The following LRCH1 variants were observed in gnomAD, a reference collection of about 807,000 sequenced individuals.
LRCH1 encodes the protein leucine rich repeats and calponin homology domain containing 1.
In LRCH1, 23 loss-of-function variants were observed where a neutral mutation model predicts 94.9. That is an observed-to-expected ratio of 0.24 (90% confidence interval 0.17 to 0.34). The LOEUF is 0.34. Among genes scored for constraint, LRCH1 ranks in the 10% least tolerant of loss-of-function variants. The pLI is 1.00. For synonymous variants in LRCH1, 364 were observed against 354.9 expected (o/e 1.03, Z -0.29); for missense variants, 790 against 945.9 (o/e 0.84, Z 2.16).
intron 1 of LRCH1, among the ~76,000 whole-genome samples, chr13:46,636,136 C>G (rs1338697110): frequency 1.6e-5 from 2 of 123,322 alleles, no homozygotes; most frequent in East Asian, 5.6e-4. Context: ...ATGGCACGAT[C>G]TCGGCTCACT....
chr13:46,680,120 C>T (rs2051731775), intron 3 of LRCH1: 3 of 152,184 alleles, frequency 2.0e-5, no homozygotes, highest in African/African-American at 7.2e-5. Context: ...GCCTTGATCT[C>T]ACTGGAATCA....
At chr13:46,685,079 A>G (rs773129337) in intron 4 of LRCH1, among the ~76,000 whole-genome samples, 2 of 152,176 alleles carry the variant, frequency 1.3e-5, no homozygotes, top group Non-Finnish European at 2.9e-5. Flanking sequence ...AGATCCCATA[A>G]CAAAAGTTCC....
intron 1 of LRCH1, among the ~76,000 whole-genome samples, chr13:46,573,878 T>TTTTC (rs1566150917): frequency 1.6e-5 from 1 of 62,744 alleles, no homozygotes; most frequent in Admixed American, 2.1e-4. Context: ...TTTTTTTTTT[T>TTTTC]TTGAGATGGA....
intron 7 of LRCH1, among the ~76,000 whole-genome samples, chr13:46,690,898 G>A (rs569340362): frequency 6.6e-6 from 1 of 152,308 alleles, no homozygotes; most frequent in South Asian, 2.1e-4. Context: ...GTGGGGTTCA[G>A]GGATCACACC....
chr13:46,689,597 G>A (rs1333760158), intron 7 of LRCH1, among the ~76,000 whole-genome samples: 2 of 152,096 alleles, frequency 1.3e-5, no homozygotes, highest in Admixed American at 6.6e-5. Context: ...ATACATATGC[G>A]TAAATGTTAA....
chr13:46,651,911 G>A (rs1318595808), intron 2 of LRCH1, among the ~76,000 whole-genome samples: 1 of 144,270 alleles, frequency 6.9e-6, no homozygotes, highest in Non-Finnish European at 1.5e-5. Flanking sequence ...GTTTTGAGAC[G>A]GAGTCTTGCT....
At chr13:46,561,540 G>A (rs1047561703) in intron 1 of LRCH1, among the ~76,000 whole-genome samples, 4 of 151,826 alleles carry the variant, frequency 2.6e-5, no homozygotes, top group Non-Finnish European at 2.9e-5. Flanking sequence ...TTTGGCACAC[G>A]ATGTGTTCCT....
chr13:46,617,542 C>T (rs2050825099), intron 1 of LRCH1, among the ~76,000 whole-genome samples: 1 of 152,238 alleles, frequency 6.6e-6, no homozygotes, highest in South Asian at 2.1e-4. Context: ...CCGGCCCCTG[C>T]CTTGTAACCA....
chr13:46,585,516 G>GCATGGGC lies in LRCH1; in HGVS notation c.307+31815_307+31816insTGGGCCA, dbSNP rs2050423618. Among the ~76,000 whole-genome samples the GCATGGGC allele has an allele frequency of 1.2e-4, 17 of 141,102 alleles. No individual in the cohort carries two copies. In the South Asian group the frequency reaches 3.3e-3, roughly 27 times the overall value. 92.6% of individuals were successfully genotyped at this position (141,102 alleles called of 152,430 possible). A position where few individuals can be genotyped will look rare whatever the true frequency, so the allele number is the denominator to read the frequency against. On this transcript the variant is annotated intron_variant, in intron 1 of 19. Transcript: ENST00000389797. ...TTCAGTGAGCAGAGATCATGCCACT[G>GCATGGGC]CACTCCAGCCTGGGCGACAGAGCGA...
intron 1 of LRCH1, among the ~76,000 whole-genome samples, chr13:46,616,835 C>CT (rs1211766938): frequency 2.0e-5 from 3 of 152,112 alleles, no homozygotes; most frequent in Non-Finnish European, 4.4e-5. Context: ...ATCATTAGTT[C>CT]TTATAGGTTT....
At chr13:46,725,312 C>T (rs1042363155) in intron 17 of LRCH1, among the ~76,000 whole-genome samples, 8 of 152,158 alleles carry the variant, frequency 5.3e-5, no homozygotes, top group African/African-American at 1.9e-4. Flanking sequence ...ACAACATACC[C>T]ATGTAACAAA....
intron 17 of LRCH1, among the ~76,000 whole-genome samples, chr13:46,726,209 A>G (rs777674175): frequency 1.3e-5 from 2 of 152,190 alleles, no homozygotes; most frequent in South Asian, 2.1e-4. Flanking sequence ...ACTTTGCCCT[A>G]TTCTTCCCAC....
intron 2 of LRCH1, among the ~76,000 whole-genome samples, chr13:46,662,148 G>A (rs758128965): frequency 7.2e-5 from 11 of 152,092 alleles, no homozygotes; most frequent in Non-Finnish European, 1.5e-4. Flanking sequence ...ATGTTTTCTA[G>A]GCTTTGGTAG....
At chr13:46,632,319 C>A (rs2051028408) in intron 1 of LRCH1, among the ~76,000 whole-genome samples, 3 of 152,114 alleles carry the variant, frequency 2.0e-5, no homozygotes, top group Admixed American at 2.0e-4. Flanking sequence ...TGGCAGTCCC[C>A]CATTTGCTAG....
chr13:46,635,037 T>C (rs997722041), intron 1 of LRCH1, among the ~76,000 whole-genome samples: 2 of 152,164 alleles, frequency 1.3e-5, no homozygotes, highest in Non-Finnish European at 2.9e-5. Flanking sequence ...TCCATAAGGA[T>C]TGGGTTTTTT....
chr13:46,584,992 G>A (rs1470332053), intron 1 of LRCH1, among the ~76,000 whole-genome samples: 2 of 152,064 alleles, frequency 1.3e-5, no homozygotes, highest in Non-Finnish European at 2.9e-5. Context: ...CAATGAAAGA[G>A]CAGAGAATTC....
Position 46,743,281 on chromosome 13 carries a change from T to A in LRCH1, c.*1433T>A. The A allele has an allele frequency of 1.0e-6, 1 of 985,528 alleles. No homozygotes were observed. Among genetic ancestry groups the A allele is most frequent in the Non-Finnish European group, 1.2e-6 (1 of 829,612 alleles). The allele number at this position is 985,528 out of a possible 1,614,324, so 61.0% of individuals were successfully genotyped here. ...TTGAAAATATGGAAGACCCACATAG[T>A]TAGAAGAATATATTTATAAAGATTC... is the stretch of plus-strand genomic sequence containing the variant. On this transcript the variant is annotated 3_prime_UTR_variant, in exon 20 of 20. Coordinates refer to ENST00000389797, the MANE Select transcript of LRCH1 (RefSeq NM_001164211.2).
intron 1 of LRCH1, among the ~76,000 whole-genome samples, chr13:46,619,076 C>T (rs1566180371): frequency 1.7e-5 from 1 of 58,580 alleles, no homozygotes; most frequent in Non-Finnish European, 2.9e-5. Flanking sequence ...TCCTTCCTTC[C>T]TTCCTTCCTT....
At chr13:46,561,472 TG>T (rs1318434188) in intron 1 of LRCH1, among the ~76,000 whole-genome samples, 1 of 152,252 alleles carries the variant, frequency 6.6e-6, no homozygotes. Context: ...TCTAATCTTC[TG>T]GCTTCTCATG....
Sources: gnomAD v4.1 joint callset for allele counts (sites outside exome capture counted in the v4.1 genomes callset) on GRCh38, gnomAD v4.1.1 for gene constraint, MANE v1.5 for transcripts, NCBI Gene and HGNC (gene_info 2026-07-23, HGNC 2026-07-21) for gene names.